Variants in AGO4 observed in about 807,000 individuals in gnomAD.
The protein encoded by AGO4 is protein argonaute-4.
In AGO4, 33 loss-of-function variants were observed where a neutral mutation model predicts 104.7. The ratio of observed to expected loss-of-function variants is 0.32; its 90% CI spans 0.24 to 0.42. AGO4 has a LOEUF of 0.42. AGO4 is among the 10% of genes least tolerant of loss of function. The pLI is 1.00. For synonymous variants in AGO4, 331 were observed against 364.7 expected (o/e 0.91, Z 1.05); for missense variants, 711 against 1,083.4 (o/e 0.66, Z 4.83).
intron 4 of AGO4, 84 bp from the exon 5 acceptor site, chr1:35,825,595 T>A: frequency 6.5e-7 from 1 of 1,536,168 alleles, no homozygotes; most frequent in Non-Finnish European, 8.7e-7. Flanking sequence ...TTGTTCAAAT[T>A]TGATTTCAGC....
upstream of AGO4, among the ~76,000 whole-genome samples, chr1:35,807,860 G>T (rs1643344383): frequency 6.6e-6 from 1 of 152,146 alleles, no homozygotes. Context: ...AGCGGAACTG[G>T]AATCCAGATC....
chr1:35,848,637 G>GT lies in AGO4; in HGVS notation c.2176-1506dup, dbSNP rs369289816. Reference sequence around the variant, plus strand: ...AGGCTGTCATATGTAGAACCAGAGAGTTTTTTTTTTTTTTAAGGGTAAAAT... The same window carrying GT: ...AGGCTGTCATATGTAGAACCAGAGAGTTTTTTTTTTTTTTTAAGGGTAAAAT... On this transcript the variant is annotated intron_variant, in intron 15 of 17. Transcript: ENST00000373210. Among the ~76,000 whole-genome samples, 755 of 140,514 alleles carry GT rather than the reference G, an allele frequency of 5.4e-3. 1 individual carries two copies. Among genetic ancestry groups the GT allele is most frequent in the Admixed American group, 6.9e-3 (96 of 13,988 alleles). 92.2% of individuals were successfully genotyped at this position (140,514 alleles called of 152,430 possible).
intron 3 of AGO4, among the ~76,000 whole-genome samples, chr1:35,824,634 CA>C (rs1288007104): frequency 2.7e-5 from 4 of 147,528 alleles, no homozygotes; most frequent in African/African-American, 7.5e-5. Flanking sequence ...CCCATCTCTA[CA>C]AAAAAAAAAT....
chr1:35,848,524 C>A (rs1014650509), intron 15 of AGO4, among the ~76,000 whole-genome samples: 2 of 152,130 alleles, frequency 1.3e-5, no homozygotes, highest in Admixed American at 6.5e-5. Context: ...ACATCTGCTG[C>A]GGAGCCTAGC....
At chr1:35,831,337 T>A in intron 7 of AGO4, 90 bp from the exon 8 acceptor site, 2 of 1,405,398 alleles carry the variant, frequency 1.4e-6, no homozygotes. Flanking sequence ...GGCGACAGAG[T>A]GAGACACTGT....
chr1:35,851,519 T>C (rs1644701295), intron 17 of AGO4, among the ~76,000 whole-genome samples: 1 of 152,200 alleles, frequency 6.6e-6, no homozygotes, highest in Admixed American at 6.5e-5. Flanking sequence ...TGATTCTCAC[T>C]CTCAAATAGG....
chr1:35,853,107 C>T lies in AGO4; in HGVS notation c.2478-390C>T, dbSNP rs192198587. ...CTAGTAAAAATACAAAAAAATCAGC[C>T]GGGTGTGGTGGCGGGCGCCTGTAGT... is the stretch of plus-strand genomic sequence containing the variant. On this transcript the variant is annotated intron_variant, in intron 17 of 17. Coordinates refer to ENST00000373210, the MANE Select transcript of AGO4 (RefSeq NM_017629.4). Among the ~76,000 whole-genome samples, 40 of 151,942 alleles carry T rather than the reference C, an allele frequency of 2.6e-4. No homozygotes were observed. In the East Asian group the frequency reaches 6.6e-3, roughly 25 times the overall value.
In AGO4 at chr1:35,808,464, A is replaced by ACCCGGGC; in HGVS notation, c.19+35_19+36insCCCCGGG. ...AGGAGCGAGCTCGGGTCGGGGCGGGACCCGGGACCCGGGACCCGGGGCGGG... is the reference window on the plus strand; with the variant it reads ...AGGAGCGAGCTCGGGTCGGGGCGGGACCCGGGCCCCGGGACCCGGGACCCGGGGCGGG... On this transcript the variant is annotated intron_variant, in intron 1 of 17. Coordinates refer to ENST00000373210, the MANE Select transcript of AGO4 (RefSeq NM_017629.4). The surrounding 1 kb of genome is among the most constrained non-coding windows in gnomAD (Gnocchi z 5.2). 2.6e-6 allele frequency: 3 copies of ACCCGGGC among 1,170,232 alleles called. No homozygotes were observed. The highest frequency in any genetic ancestry group is 8.5e-5 in the South Asian group (2 of 23,620). 72.5% of individuals were successfully genotyped at this position (1,170,232 alleles called of 1,614,324 possible).
In AGO4 at chr1:35,825,835, A is replaced by T. The variant is rs1413783586; in HGVS notation, c.625+20A>T. On this transcript the variant is annotated intron_variant, in intron 5 of 17. Transcript: ENST00000373210. ...TTGATGGTAGGATGGAACTCTCTTT[A>T]TCCAATAACTCTTTGGGCTGGTTTT... 2.3e-5 allele frequency: 37 copies of T among 1,588,320 alleles called. No individual in the cohort carries two copies. Among genetic ancestry groups the T allele is most frequent in the Non-Finnish European group, 3.1e-5 (36 of 1,168,424 alleles).
At position 35,856,892 on chromosome 1, in the gene AGO4, T is replaced by C. The variant is rs1644829930; in HGVS notation, c.*3287T>C. 1 of 149,088 alleles carries C rather than the reference T, an allele frequency of 6.7e-6. No individual in the cohort carries two copies. The highest frequency in any genetic ancestry group is 1.5e-5 in the Non-Finnish European group (1 of 67,430). 9.2% of individuals were successfully genotyped at this position (149,088 alleles called of 1,614,324 possible). The stretch of plus-strand genomic sequence containing the variant: ...AAATGTTGAACCAATTATGTTTTGG[T>C]GGTGGTGTTCTTAGCTGTTGAATCC... On this transcript the variant is annotated 3_prime_UTR_variant, in exon 18 of 18. Transcript: ENST00000373210.
At chr1:35,848,061 T>C (rs1368008387) in intron 15 of AGO4, among the ~76,000 whole-genome samples, 1 of 152,202 alleles carries the variant, frequency 6.6e-6, no homozygotes, top group Non-Finnish European at 1.5e-5. Flanking sequence ...CAAAAAATCT[T>C]CAGGTGTCCT....
chr1:35,837,403 G>A (rs1644339359), intron 13 of AGO4, among the ~76,000 whole-genome samples: 1 of 149,334 alleles, frequency 6.7e-6, no homozygotes, highest in African/African-American at 2.5e-5. Context: ...TTTTGGGACA[G>A]GGTCTCACTC....
chr1:35,817,180 T>C (rs757720680), intron 2 of AGO4, 133 bp downstream of exon 2: 29 of 964,850 alleles, frequency 3.0e-5, no homozygotes, highest in Non-Finnish European at 3.9e-5. Flanking sequence ...TAATAGCAGG[T>C]TTGCTGTCTC....
At chr1:35,835,785 A>C (rs1644300286) in intron 12 of AGO4, 49 bp from the exon 13 acceptor site, 2 of 1,485,236 alleles carry the variant, frequency 1.3e-6, no homozygotes, top group Admixed American at 4.6e-5. Context: ...TGCTTTTAGT[A>C]ATTAGGAGAC....
At chr1:35,815,046 T>A (rs911196244) in intron 1 of AGO4, among the ~76,000 whole-genome samples, 2 of 152,032 alleles carry the variant, frequency 1.3e-5, no homozygotes, top group African/African-American at 4.8e-5. Flanking sequence ...CCCGGCTAAT[T>A]TTTGTATTTT....
chr1:35,853,964 G>T lies in AGO4; in HGVS notation c.*359G>T, dbSNP rs757968345. 3.7e-5 allele frequency: 6 copies of T among 162,404 alleles called. No homozygotes were observed. The highest frequency in any genetic ancestry group is 2.5e-4 in the Admixed American group (4 of 15,744). 10.1% of individuals were successfully genotyped at this position (162,404 alleles called of 1,614,324 possible). A position where few individuals can be genotyped will look rare whatever the true frequency, so the allele number is the denominator to read the frequency against. ...GCATCCCTCTAGTCTTAGAAGAGAA[G>T]ATTATTCCTTTTTTCTGTAGTCATT... On this transcript the variant is annotated 3_prime_UTR_variant, in exon 18 of 18. Coordinates refer to ENST00000373210, the MANE Select transcript of AGO4 (RefSeq NM_017629.4).
intron 12 of AGO4, among the ~76,000 whole-genome samples, chr1:35,834,800 ATTCTCCC>A (rs1644266535): frequency 1.3e-5 from 2 of 152,004 alleles, no homozygotes; most frequent in Non-Finnish European, 2.9e-5. Flanking sequence ...GGCTCAAGTG[ATTCTCCC>A]GTCTCAGGCT....
At chr1:35,839,930 G>T (rs1436942455) in intron 13 of AGO4, among the ~76,000 whole-genome samples, 1 of 149,732 alleles carries the variant, frequency 6.7e-6, no homozygotes, top group East Asian at 2.0e-4. Context: ...TCATGCCATT[G>T]CACTCTAGCC....
intron 2 of AGO4, among the ~76,000 whole-genome samples, chr1:35,820,269 A>C (rs74064293): frequency 1.3e-5 from 2 of 151,922 alleles, no homozygotes; most frequent in Admixed American, 1.3e-4. Context: ...ATTACAGACA[A>C]CTCCTTCAAG....
Sources: allele counts gnomAD v4.1 joint callset (sites outside exome capture counted in the v4.1 genomes callset), GRCh38; gene constraint gnomAD v4.1.1; non-coding constraint Gnocchi (gnomAD v3.1); transcripts MANE v1.5; gene names NCBI Gene and HGNC (gene_info 2026-07-23, HGNC 2026-07-21).